Variants in NPC2 observed in about 807,000 individuals in gnomAD.
NPC2 encodes Niemann-Pick disease type C2 protein.
In NPC2, 14 loss-of-function variants were observed where a neutral mutation model predicts 17.0. The ratio of observed to expected loss-of-function variants is 0.82; its 90% CI spans 0.54 to 1.29. The LOEUF (loss-of-function observed/expected upper bound fraction) is 1.29. Ranked by LOEUF, NPC2 falls within the 50% of genes most tolerant of loss-of-function variation. NPC2 has a pLI of 0.00. For synonymous variants in NPC2, 75 were observed against 69.3 expected, an observed-to-expected ratio of 1.08 and a Z score of -0.41; for missense variants, 167 against 183.4, an observed-to-expected ratio of 0.91 and a Z score of 0.52.
intron 1 of NPC2, among the ~76,000 whole-genome samples, chr14:74,489,494 T>TA (rs2086747652): frequency 6.6e-6 from 1 of 152,142 alleles, no homozygotes; most frequent in Non-Finnish European, 1.5e-5. Context: ...ATCTGCAATC[T>TA]ACAGATGTAT....
chr14:74,487,263 G>GTTTTTTT lies in NPC2; in HGVS notation c.83-828_83-827insAAAAAAA, dbSNP rs1208707592. On this transcript the variant is annotated intron_variant, in intron 1 of 4. Transcript: ENST00000555619. ...TGCACCCTCCCTGTTTTGTTTTTGT[G>GTTTTTTT]GTTTTTTTTTGTTTTTTTTTTTTGA... 1.9e-3 allele frequency among the ~76,000 whole-genome samples: 261 copies of GTTTTTTT among 134,928 alleles called. 16 individuals are homozygous for GTTTTTTT. The highest frequency in any genetic ancestry group is 5.3e-3 in the South Asian group (22 of 4,114). 88.5% of individuals were successfully genotyped at this position (134,928 alleles called of 152,430 possible).
At chr14:74,492,236 C>T (rs1401727609) in intron 1 of NPC2, among the ~76,000 whole-genome samples, 1 of 152,202 alleles carries the variant, frequency 6.6e-6, no homozygotes, top group Non-Finnish European at 1.5e-5. Context: ...TCCGGCCTCC[C>T]CCACAGCCGG....
At chr14:74,484,947 T>A (rs1382518403) in intron 2 of NPC2, among the ~76,000 whole-genome samples, 1 of 152,052 alleles carries the variant, frequency 6.6e-6, no homozygotes, top group Admixed American at 6.6e-5. Context: ...AAGTATATTG[T>A]GTGTCTTAAA....
intron 1 of NPC2, among the ~76,000 whole-genome samples, chr14:74,489,862 A>G (rs1298422716): frequency 1.3e-5 from 2 of 152,188 alleles, no homozygotes; most frequent in Non-Finnish European, 2.9e-5. Context: ...AAGATACTTT[A>G]CCTCTCTGGA....
chr14:74,490,283 A>C (rs1210283846), intron 1 of NPC2, among the ~76,000 whole-genome samples: 2 of 152,174 alleles, frequency 1.3e-5, no homozygotes, highest in African/African-American at 2.4e-5. Context: ...AGTCTCTTTA[A>C]CTATCATCAC....
intron 1 of NPC2, among the ~76,000 whole-genome samples, chr14:74,492,198 G>A (rs2086782616): frequency 6.6e-6 from 1 of 152,074 alleles, no homozygotes; most frequent in African/African-American, 2.4e-5. Flanking sequence ...CGAATGCTCG[G>A]GGAGACTGAT....
chr14:74,486,341 T>C lies in NPC2; in HGVS notation c.178A>G (p.Thr60Ala). The change falls in exon 2 of 5, where the codon ACC becomes GCC. Residue 60 changes from threonine (T) to alanine (A), a missense_variant. Transcript: ENST00000555619. ...SKGQSYSVNVTFTSNIQSKSS... is the reference protein window; with the variant it reads ...SKGQSYSVNVAFTSNIQSKSS... ...CACTTTTACGCACTGCTGGTGAAGG[T>C]GACATTGACGCTGTAAGACTGTCCT... The C allele has an allele frequency of 6.3e-7, 1 of 1,597,266 alleles. No individual in the cohort carries two copies. The highest frequency in any genetic ancestry group is 1.1e-5 in the South Asian group (1 of 87,894).
rs1224193482 is a variant in NPC2, at chr14:74,483,552, G to C, written c.363+863C>G. The C allele has an allele frequency of 1.1e-5, 15 of 1,421,692 alleles. No homozygotes were observed. The East Asian group carries it at 2.6e-4, about 25-fold the overall frequency. 88.1% of individuals were successfully genotyped at this position (1,421,692 alleles called of 1,614,324 possible). A position where few individuals can be genotyped will look rare whatever the true frequency, so the allele number is the denominator to read the frequency against. ...CTCTGAGCTAGGTTACAGGAATGAA[G>C]AACTATTGCCTAATTGGAAAGTGCC... On this transcript the variant is annotated intron_variant, in intron 3 of 4. Coordinates refer to ENST00000555619, the MANE Select transcript of NPC2 (RefSeq NM_006432.5).
chr14:74,482,628 T>G (rs957794228), intron 3 of NPC2, among the ~76,000 whole-genome samples: 3 of 152,212 alleles, frequency 2.0e-5, no homozygotes, highest in African/African-American at 7.2e-5. Context: ...CTTTAATTAT[T>G]TGGTACCTGG....
At chr14:74,489,871 G>A (rs1035848952) in intron 1 of NPC2, among the ~76,000 whole-genome samples, 2 of 152,218 alleles carry the variant, frequency 1.3e-5, no homozygotes, top group Non-Finnish European at 2.9e-5. Flanking sequence ...TACCTCTCTG[G>A]AGATAATGGT....
intron 1 of NPC2, among the ~76,000 whole-genome samples, chr14:74,488,976 T>C (rs9323599): frequency 0.056 from 8,603 of 152,310 alleles, 596 homozygotes; most frequent in African/African-American, 0.16. Flanking sequence ...GGCCCACTTA[T>C]GAGTCATGAA....
At chr14:74,490,607 C>CTT (rs2086761185) in intron 1 of NPC2, among the ~76,000 whole-genome samples, 1 of 152,210 alleles carries the variant, frequency 6.6e-6, no homozygotes, top group African/African-American at 2.4e-5. Flanking sequence ...ACTTATAGCT[C>CTT]TTTCATCCAG....
intron 1 of NPC2, among the ~76,000 whole-genome samples, chr14:74,491,096 C>T (rs9972130): frequency 0.23 from 34,536 of 151,884 alleles, 4,402 homozygotes; most frequent in African/African-American, 0.33. Flanking sequence ...TTTTTTGAGA[C>T]GGAGTCTTGC....
intron 1 of NPC2, among the ~76,000 whole-genome samples, chr14:74,488,333 C>G (rs1237880648): frequency 6.6e-6 from 1 of 152,180 alleles, no homozygotes; most frequent in African/African-American, 2.4e-5. Flanking sequence ...TTCACCCCAA[C>G]TTGACTTCCT....
At chr14:74,488,866 G>A (rs1022127590) in intron 1 of NPC2, among the ~76,000 whole-genome samples, 5 of 152,164 alleles carry the variant, frequency 3.3e-5, no homozygotes, top group Admixed American at 2.6e-4. Context: ...AACTAGGAAT[G>A]ACCCTTAAGA....
rs149199515 is a variant in NPC2, at chr14:74,487,372, G to A, written c.83-936C>T. Among the ~76,000 whole-genome samples, 1,461 of 150,398 alleles carry A rather than the reference G, an allele frequency of 9.7e-3. 13 individuals carry two copies. The highest frequency in any genetic ancestry group is 0.024 in the Middle Eastern group (7 of 286). On this transcript the variant is annotated intron_variant, in intron 1 of 4. Coordinates refer to ENST00000555619, the MANE Select transcript of NPC2 (RefSeq NM_006432.5). ...AGCCTCAACCGTCCCAGGCTCAAGT[G>A]ATCCTCCTACTCCATCCTCCTGAGT... is the stretch of plus-strand genomic sequence containing the variant.
At position 74,493,191 on chromosome 14, in the gene NPC2, A is replaced by G. The variant is rs879253740; in HGVS notation, c.82+2T>C. 6.2e-7 allele frequency: 1 copy of G among 1,607,730 alleles called. No individual in the cohort carries two copies. On this transcript the variant is annotated splice_donor_variant, in intron 1 of 4. Transcript: ENST00000555619. LOFTEE classifies it high-confidence loss of function. The surrounding 1 kb of genome is among the most constrained non-coding windows in gnomAD (Gnocchi z 4.1). ...GGAACCTTGGGCGGGCCTGGGGCTC[A>G]CCGCAGTCCTTGAACTGCACCGGTT...
rs150232854 is a variant in NPC2 at position 74,490,042 on chromosome 14, C to G, written c.82+3151G>C. ...GTTCCCTTCTGACACAAAAACTGGACCTCTCACCTCAAATATACTTTGTGG... is the reference window on the plus strand; with the variant it reads ...GTTCCCTTCTGACACAAAAACTGGAGCTCTCACCTCAAATATACTTTGTGG... On this transcript the variant is annotated intron_variant, in intron 1 of 4. Coordinates refer to ENST00000555619, the MANE Select transcript of NPC2 (RefSeq NM_006432.5). Among the ~76,000 whole-genome samples the G allele has an allele frequency of 7.5e-3, 1,137 of 152,264 alleles. 14 individuals carry two copies. The highest frequency in any genetic ancestry group is 0.026 in the African/African-American group (1,083 of 41,542).
intron 1 of NPC2, among the ~76,000 whole-genome samples, chr14:74,487,449 T>C (rs1158884230): frequency 6.6e-6 from 1 of 151,988 alleles, no homozygotes; most frequent in African/African-American, 2.4e-5. Context: ...TTGTGTTTTG[T>C]AGAGACAGGG....
Sources: allele counts gnomAD v4.1 joint callset (sites outside exome capture counted in the v4.1 genomes callset), GRCh38; gene constraint gnomAD v4.1.1; non-coding constraint Gnocchi (gnomAD v3.1); transcripts MANE v1.5; gene names NCBI Gene and HGNC (gene_info 2026-07-23, HGNC 2026-07-21).